The following NEDD4L variants were observed in gnomAD, a reference collection of about 807,000 sequenced individuals.
NEDD4L encodes the protein NEDD4 like E3 ubiquitin protein ligase.
In NEDD4L, 54 loss-of-function variants were observed where a neutral mutation model predicts 148.9. The observed-to-expected ratio is 0.36, with a 90% CI of 0.29 to 0.45. The LOEUF is 0.45. Among genes scored for constraint, NEDD4L ranks in the 20% least tolerant of loss-of-function variants. NEDD4L has a pLI of 1.00. For missense variants in NEDD4L, 856 were observed against 1,233.8 expected (o/e 0.69, Z 4.59); for synonymous variants, 433 against 440.7 (o/e 0.98, Z 0.22).
chr18:58,092,349 G>T (rs2067785136), intron 1 of NEDD4L, among the ~76,000 whole-genome samples: 1 of 152,140 alleles, frequency 6.6e-6, no homozygotes, highest in African/African-American at 2.4e-5. Context: ...GATTTGGGGT[G>T]GGGGATTGTG....
chr18:58,311,439 G>A (rs2057686452), intron 5 of NEDD4L, among the ~76,000 whole-genome samples: 1 of 152,144 alleles, frequency 6.6e-6, no homozygotes, highest in Admixed American at 6.5e-5. Flanking sequence ...ATAGCTCCTT[G>A]CACCCTCAAC....
At chr18:58,050,040 C>T (rs1011275763) in intron 1 of NEDD4L, among the ~76,000 whole-genome samples, 5 of 148,872 alleles carry the variant, frequency 3.4e-5, no homozygotes, top group Non-Finnish European at 7.4e-5. Flanking sequence ...GATGTAGTGT[C>T]TGTGGAATTT....
intron 2 of NEDD4L, among the ~76,000 whole-genome samples, chr18:58,209,780 C>T (rs1207755090): frequency 6.6e-6 from 1 of 151,932 alleles, no homozygotes; most frequent in Non-Finnish European, 1.5e-5. Flanking sequence ...TTATGTAAAT[C>T]CAATAGCTGG....
chr18:58,244,011 T>C (rs780317566), intron 2 of NEDD4L, among the ~76,000 whole-genome samples: 1 of 152,236 alleles, frequency 6.6e-6, no homozygotes, highest in Admixed American at 6.5e-5. Context: ...ATTTTTTAGA[T>C]ATTGAGTATA....
chr18:58,221,289 A>G (rs566121204), intron 2 of NEDD4L, among the ~76,000 whole-genome samples: 1 of 152,114 alleles, frequency 6.6e-6, no homozygotes, highest in Non-Finnish European at 1.5e-5. Flanking sequence ...CCCGCCAGAC[A>G]TAGAGTCATC....
chr18:58,230,389 G>A (rs956793968), intron 2 of NEDD4L, among the ~76,000 whole-genome samples: 1 of 150,164 alleles, frequency 6.7e-6, no homozygotes, highest in African/African-American at 2.5e-5. Flanking sequence ...GTGATGTTGC[G>A]GAAGTGAGGT....
At chr18:58,058,221 G>A (rs1355053052) in intron 1 of NEDD4L, among the ~76,000 whole-genome samples, 4 of 152,218 alleles carry the variant, frequency 2.6e-5, no homozygotes, top group Admixed American at 6.5e-5. Context: ...CAGGAGAATC[G>A]CTTGAACCTG....
At chr18:58,286,529 A>G (rs962541659) in intron 5 of NEDD4L, among the ~76,000 whole-genome samples, 2 of 152,182 alleles carry the variant, frequency 1.3e-5, no homozygotes, top group African/African-American at 2.4e-5. Flanking sequence ...TCCTGTGAAG[A>G]CAATAAATTA....
chr18:58,114,693 A>G (rs1482944762), intron 1 of NEDD4L, among the ~76,000 whole-genome samples: 1 of 152,166 alleles, frequency 6.6e-6, no homozygotes, highest in Admixed American at 6.6e-5. Context: ...TGTAGGGTAG[A>G]GTCTAACATG....
At chr18:58,252,999 C>CT (rs2048108123) in intron 5 of NEDD4L, among the ~76,000 whole-genome samples, 1 of 152,200 alleles carries the variant, frequency 6.6e-6, no homozygotes, top group Admixed American at 6.5e-5. Context: ...ATGTTAAGTC[C>CT]TTAAGGTACC....
At chr18:58,322,323 A>T (rs963888035) in intron 6 of NEDD4L, 102 bp from the exon 7 acceptor site, 2 of 845,804 alleles carry the variant, frequency 2.4e-6, no homozygotes, top group Non-Finnish European at 3.9e-6. Context: ...GCGGTGCCAC[A>T]TTCTAAAATT....
intron 1 of NEDD4L, among the ~76,000 whole-genome samples, chr18:58,062,307 G>A (rs1667489745): frequency 6.6e-6 from 1 of 152,092 alleles, no homozygotes; most frequent in Non-Finnish European, 1.5e-5. Context: ...TGTCCTGAAA[G>A]GTGCCGGCTC....
In NEDD4L at chr18:58,401,525, C is replaced by G. The variant is rs976027587; in HGVS notation, c.*5256C>G. 1 of 152,176 alleles carries G rather than the reference C, an allele frequency of 6.6e-6. No individual in the cohort carries two copies. The highest frequency in any genetic ancestry group is 1.5e-5 in the Non-Finnish European group (1 of 68,042). The allele number at this position is 152,176 out of a possible 1,614,324, so 9.4% of individuals were successfully genotyped here. A position where few individuals can be genotyped will look rare whatever the true frequency, so the allele number is the denominator to read the frequency against. ...AATATTTAATAAAGAATTATGGAAGCTGGAACATTTTCTACATCAAGTGTT... is the reference window on the plus strand; with the variant it reads ...AATATTTAATAAAGAATTATGGAAGGTGGAACATTTTCTACATCAAGTGTT... On this transcript the variant is annotated 3_prime_UTR_variant, in exon 31 of 31. Coordinates refer to ENST00000400345, the MANE Select transcript of NEDD4L (RefSeq NM_001144967.3).
intron 8 of NEDD4L, among the ~76,000 whole-genome samples, chr18:58,324,285 G>A (rs1309649794): frequency 6.6e-6 from 1 of 152,234 alleles, no homozygotes; most frequent in Non-Finnish European, 1.5e-5. Flanking sequence ...AGCAGAGGAT[G>A]TTAGGAAGGG....
chr18:58,255,805 C>T (rs1431858343), intron 5 of NEDD4L: 4 of 1,232,364 alleles, frequency 3.2e-6, no homozygotes, highest in East Asian at 3.2e-5. Flanking sequence ...GGGAGGACGG[C>T]GGCGGAGGCC....
chr18:58,079,447 TC>T (rs1367788316), intron 1 of NEDD4L, among the ~76,000 whole-genome samples: 1 of 152,198 alleles, frequency 6.6e-6, no homozygotes, highest in Non-Finnish European at 1.5e-5. Context: ...TCTTAAAAAC[TC>T]TCACTTTCAA....
chr18:58,050,267 A>G (rs754778668), intron 1 of NEDD4L, among the ~76,000 whole-genome samples: 2 of 152,056 alleles, frequency 1.3e-5, no homozygotes, highest in Non-Finnish European at 2.9e-5. Flanking sequence ...AGCCCAGCCA[A>G]CATGGTGAAA....
At chr18:58,322,393 T>C (rs939303367) in intron 6 of NEDD4L, 32 bp from the exon 7 acceptor site, 1 of 1,457,022 alleles carries the variant, frequency 6.9e-7, no homozygotes, top group African/African-American at 1.4e-5. Context: ...ATTAGGAATA[T>C]TAAAATTTAA....
chr18:58,196,722 T>C (rs1027152606), intron 2 of NEDD4L, among the ~76,000 whole-genome samples: 12 of 148,774 alleles, frequency 8.1e-5, no homozygotes, highest in African/African-American at 2.7e-4. Flanking sequence ...TTTTTTTTTT[T>C]TTTTTTTTTT....
Sources: gnomAD v4.1 joint callset for allele counts (sites outside exome capture counted in the v4.1 genomes callset) on GRCh38, gnomAD v4.1.1 for gene constraint, MANE v1.5 for transcripts, NCBI Gene and HGNC (gene_info 2026-07-23, HGNC 2026-07-21) for gene names.